The following TASP1 variants were observed in gnomAD, a reference collection of about 807,000 sequenced individuals.
TASP1 encodes the protein taspase 1, also known as threonine aspartase 1.
A neutral mutation model predicts 56.6 loss-of-function variants in TASP1; 16 were observed. The observed-to-expected ratio is 0.28, with a 90% CI of 0.19 to 0.43. The LOEUF (loss-of-function observed/expected upper bound fraction) is 0.43. Among genes scored for constraint, TASP1 ranks in the 20% least tolerant of loss-of-function variants. The pLI, the probability that TASP1 is intolerant of heterozygous loss-of-function variation, is 1.00. For missense variants in TASP1, 393 were observed against 511.6 expected (o/e 0.77, Z 2.24); for synonymous variants, 179 against 184.2 (o/e 0.97, Z 0.23).
At chr20:13,282,879 C>G in the TASP1 span, among the ~76,000 whole-genome samples, 3 of 152,164 alleles carry the variant, frequency 2.0e-5, no homozygotes, top group Non-Finnish European at 4.4e-5. Context: ...CTTTGAGTAG[C>G]AAAACTCTAC....
chr20:13,394,307 C>CAA (rs57418361), intron 13 of TASP1, among the ~76,000 whole-genome samples: 585 of 42,788 alleles, frequency 0.014, 22 homozygotes, highest in African/African-American at 0.048. Context: ...CACTCCCTCT[C>CAA]AAAAAAAAAA....
the TASP1 span, among the ~76,000 whole-genome samples, chr20:13,160,993 G>A: frequency 3.3e-5 from 5 of 152,108 alleles, no homozygotes; most frequent in African/African-American, 4.8e-5. Context: ...TGAAATAAAC[G>A]TGACAAATGA....
chr20:13,236,702 A>G, the TASP1 span, among the ~76,000 whole-genome samples: 2 of 152,216 alleles, frequency 1.3e-5, no homozygotes, highest in African/African-American at 2.4e-5. Flanking sequence ...GTCATTCCAA[A>G]TGGGAGAAAC....
chr20:13,288,471 G>A, the TASP1 span: 1 of 1,514,328 alleles, frequency 6.6e-7, no homozygotes, highest in Non-Finnish European at 9.1e-7. Context: ...TAATTGACAG[G>A]CTGCTTGATG....
the TASP1 span, among the ~76,000 whole-genome samples, chr20:13,119,421 G>C: frequency 7.2e-5 from 11 of 152,150 alleles, no homozygotes; most frequent in African/African-American, 2.7e-4. Context: ...ATGTCAGCTA[G>C]AGTATTTTTA....
chr20:13,125,395 T>G, the TASP1 span, among the ~76,000 whole-genome samples: 1 of 152,190 alleles, frequency 6.6e-6, no homozygotes, highest in Non-Finnish European at 1.5e-5. Flanking sequence ...GGTCCTAATA[T>G]TCTGGTTTAA....
chr20:13,168,980 T>TG, the TASP1 span: 1 of 149,880 alleles, frequency 6.7e-6, no homozygotes, highest in Non-Finnish European at 1.5e-5. Context: ...TGCATGTGTC[T>TG]TTGTGTGTGT....
the TASP1 span, among the ~76,000 whole-genome samples, chr20:13,359,732 A>C: frequency 2.9e-4 from 44 of 150,092 alleles, no homozygotes; most frequent in African/African-American, 7.2e-4. Flanking sequence ...AGGCCGAGAC[A>C]CTTTAACTAA....
At chr20:13,467,216 C>CACA (rs1555864977) in intron 11 of TASP1, among the ~76,000 whole-genome samples, 3 of 141,088 alleles carry the variant, frequency 2.1e-5, no homozygotes, top group Admixed American at 7.0e-5. Flanking sequence ...CACACACACA[C>CACA]GACACACAAA....
At chr20:13,247,528 G>GTGTC in the TASP1 span, among the ~76,000 whole-genome samples, 10 of 150,544 alleles carry the variant, frequency 6.6e-5, no homozygotes, top group African/African-American at 2.2e-4. Flanking sequence ...GTGTGTGTGT[G>GTGTC]TGTGTGTGTG....
chr20:13,165,426 A>G, the TASP1 span: 1 of 152,574 alleles, frequency 6.6e-6, no homozygotes, highest in Non-Finnish European at 1.5e-5. Context: ...ACAAGTGTCA[A>G]AAGACATAGT....
chr20:13,364,538 T>C, the TASP1 span, among the ~76,000 whole-genome samples: 1 of 152,166 alleles, frequency 6.6e-6, no homozygotes, highest in Non-Finnish European at 1.5e-5. Flanking sequence ...TGACCAAAGA[T>C]AGACAGATAG....
At chr20:13,632,619 C>T (rs917949800) in intron 1 of TASP1, among the ~76,000 whole-genome samples, 2 of 152,146 alleles carry the variant, frequency 1.3e-5, no homozygotes, top group Admixed American at 6.5e-5. Context: ...CAACAAACCC[C>T]TCCAAAAATC....
the TASP1 span, chr20:13,279,543 T>G: frequency 7.8e-7 from 1 of 1,286,328 alleles, no homozygotes; most frequent in Non-Finnish European, 1.1e-6. Flanking sequence ...ATCCATCATT[T>G]CCCTCTGCCC....
the TASP1 span, among the ~76,000 whole-genome samples, chr20:13,328,011 G>C: frequency 6.6e-6 from 1 of 152,186 alleles, no homozygotes. Context: ...TCATTAGAGT[G>C]AACAGACAAC....
the TASP1 span, among the ~76,000 whole-genome samples, chr20:13,329,803 T>A: frequency 0.099 from 15,077 of 152,110 alleles, 1,173 homozygotes; most frequent in African/African-American, 0.21. Context: ...TCCAGTATAA[T>A]GGAGAATAAG....
chr20:13,487,416 C>T (rs2043364231), intron 10 of TASP1, among the ~76,000 whole-genome samples: 1 of 152,166 alleles, frequency 6.6e-6, no homozygotes, highest in Non-Finnish European at 1.5e-5. Flanking sequence ...GTATTCTACA[C>T]ACCAACCTCA....
chr20:13,299,898 TGTG>T, the TASP1 span: 2 of 156,446 alleles, frequency 1.3e-5, no homozygotes, highest in African/African-American at 4.8e-5. The surrounding 1 kb of genome is among the most constrained non-coding windows in gnomAD (Gnocchi z 5.8). Flanking sequence ...TCTCTGGAGT[TGTG>T]GTGAAACTAA....
the TASP1 span, among the ~76,000 whole-genome samples, chr20:13,353,969 T>C: frequency 6.6e-6 from 1 of 152,008 alleles, no homozygotes; most frequent in South Asian, 2.1e-4. Flanking sequence ...CTTCAAAAAG[T>C]CTCACAAAAC....
Sources: allele counts gnomAD v4.1 joint callset (sites outside exome capture counted in the v4.1 genomes callset), GRCh38; gene constraint gnomAD v4.1.1; non-coding constraint Gnocchi (gnomAD v3.1); transcripts MANE v1.5; gene names NCBI Gene and HGNC (gene_info 2026-07-23, HGNC 2026-07-21).